Variants in TSHZ2 observed in about 807,000 individuals in gnomAD.
The protein encoded by TSHZ2 is teashirt zinc finger homeobox 2, also known as teashirt homolog 2.
In TSHZ2, 21 loss-of-function variants were observed where a neutral mutation model predicts 74.4. The observed-to-expected ratio is 0.28, with a 90% CI of 0.20 to 0.41. TSHZ2 has a LOEUF of 0.41. Among genes scored for constraint, TSHZ2 ranks in the 10% least tolerant of loss-of-function variants. TSHZ2 has a pLI of 1.00. For synonymous variants in TSHZ2, 540 were observed against 515.3 expected (o/e 1.05, Z -0.65); for missense variants, 1,244 against 1,293.5 (o/e 0.96, Z 0.59).
At chr20:53,185,489 C>G (rs950481146) in intron 1 of TSHZ2, 11 of 1,375,598 alleles carry the variant, frequency 8.0e-6, no homozygotes, top group Non-Finnish European at 9.5e-6. Context: ...ACCAGCCTGG[C>G]CAACATGGTG....
intron 1 of TSHZ2, among the ~76,000 whole-genome samples, chr20:53,166,794 AAATC>A (rs1988073833): frequency 6.6e-6 from 1 of 152,126 alleles, no homozygotes; most frequent in African/African-American, 2.4e-5. Flanking sequence ...ATAAAATAAA[AAATC>A]AAAACAAAAA....
chr20:53,412,512 C>T (rs1316563216), intron 2 of TSHZ2: 1 of 152,282 alleles, frequency 6.6e-6, no homozygotes, highest in Non-Finnish European at 1.5e-5. Context: ...CCATCACCAC[C>T]ATCCATCTCC....
At chr20:53,422,816 C>T (rs1027424528) in intron 2 of TSHZ2, among the ~76,000 whole-genome samples, 2 of 152,206 alleles carry the variant, frequency 1.3e-5, no homozygotes, top group African/African-American at 4.8e-5. Context: ...ATACACTGAT[C>T]TCCTTCAATA....
chr20:53,464,606 T>A (rs1032745573), intron 2 of TSHZ2, among the ~76,000 whole-genome samples: 4 of 152,106 alleles, frequency 2.6e-5, no homozygotes, highest in Non-Finnish European at 5.9e-5. Context: ...GAACTATAGG[T>A]GCACACCACC....
chr20:53,403,549 A>G (rs1256999621), intron 2 of TSHZ2, among the ~76,000 whole-genome samples: 2 of 152,180 alleles, frequency 1.3e-5, no homozygotes, highest in African/African-American at 4.8e-5. Flanking sequence ...TGCAGCATCC[A>G]CATCTGGTCT....
At chr20:53,137,609 G>A (rs1293357447) in intron 1 of TSHZ2, among the ~76,000 whole-genome samples, 1 of 152,110 alleles carries the variant, frequency 6.6e-6, no homozygotes, top group Middle Eastern at 3.2e-3. Flanking sequence ...GCCCTCAAAT[G>A]AGTCCCTAAC....
intron 1 of TSHZ2, among the ~76,000 whole-genome samples, chr20:53,124,742 A>T (rs1432096252): frequency 6.6e-6 from 1 of 152,228 alleles, no homozygotes; most frequent in Non-Finnish European, 1.5e-5. Context: ...ATGATGCTAC[A>T]TGCCCATTTT....
intron 1 of TSHZ2, among the ~76,000 whole-genome samples, chr20:53,161,146 A>AAAAAAAAAAAAAAAAAAAAAG: frequency 6.6e-6 from 1 of 151,094 alleles, no homozygotes; most frequent in Non-Finnish European, 1.5e-5. Context: ...AAAAAAAAAA[A>AAAAAAAAAAAAAAAAAAAAAG]AAAAAAATAG....
At chr20:53,014,378 A>C (rs975991303) in intron 1 of TSHZ2, among the ~76,000 whole-genome samples, 1 of 152,212 alleles carries the variant, frequency 6.6e-6, no homozygotes, top group Admixed American at 6.5e-5. Context: ...TGGTGGGGAC[A>C]TAATTCAGTC....
intron 1 of TSHZ2, among the ~76,000 whole-genome samples, chr20:53,153,656 A>T (rs533247049): frequency 6.6e-6 from 1 of 152,244 alleles, no homozygotes; most frequent in South Asian, 2.1e-4. Context: ...TTGCTCTTCA[A>T]ATTTCCTCAT....
intron 1 of TSHZ2, among the ~76,000 whole-genome samples, chr20:53,148,506 G>A (rs1987597025): frequency 1.3e-5 from 2 of 152,098 alleles, no homozygotes; most frequent in Non-Finnish European, 2.9e-5. Flanking sequence ...TATAGTACAG[G>A]CCTGACACCC....
At chr20:53,349,789 C>T (rs375443126) in intron 2 of TSHZ2, among the ~76,000 whole-genome samples, 2 of 152,222 alleles carry the variant, frequency 1.3e-5, no homozygotes, top group African/African-American at 4.8e-5. Flanking sequence ...TTCTTATATT[C>T]TTATTACTGT....
At chr20:53,291,451 C>T (rs899697865) in intron 2 of TSHZ2, among the ~76,000 whole-genome samples, 22 of 129,066 alleles carry the variant, frequency 1.7e-4, no homozygotes, top group African/African-American at 5.5e-4. Flanking sequence ...CTGGCCTGGA[C>T]GATAGAGCAA....
chr20:53,295,906 G>GT (rs1196402739), intron 2 of TSHZ2, among the ~76,000 whole-genome samples: 6 of 151,700 alleles, frequency 4.0e-5, no homozygotes, highest in African/African-American at 1.5e-4. Context: ...TGTGTTTTTT[G>GT]TTTTTTGCTT....
At chr20:53,440,058 ATAGG>A (rs1303279944) in intron 2 of TSHZ2, among the ~76,000 whole-genome samples, 4 of 152,294 alleles carry the variant, frequency 2.6e-5, no homozygotes, top group East Asian at 1.9e-4. Flanking sequence ...ACATGAAATA[ATAGG>A]TAGGAAATGT....
intron 2 of TSHZ2, among the ~76,000 whole-genome samples, chr20:53,466,010 G>T (rs957397792): frequency 6.6e-6 from 1 of 151,552 alleles, no homozygotes; most frequent in African/African-American, 2.4e-5. Context: ...ACTTTGGGGG[G>T]CCCAAGGCAG....
chr20:53,430,751 G>GTTAA (rs905205541), intron 2 of TSHZ2, among the ~76,000 whole-genome samples: 48 of 152,170 alleles, frequency 3.2e-4, no homozygotes, highest in African/African-American at 1.1e-3. Context: ...GTTTAGTTTA[G>GTTAA]TTTAGTTTTG....
At position 52,974,486 on chromosome 20, in the gene TSHZ2, C is replaced by T. The variant is rs189431759; in HGVS notation, c.40+1153C>T. On this transcript the variant is annotated intron_variant, in intron 1 of 2. Transcript: ENST00000371497. ...TGTCCTTTAGTTGAATCAGGGCTTTCGCAAAAAGCTTAAGTTTAGTTGTTT... is the reference window on the plus strand; with the variant it reads ...TGTCCTTTAGTTGAATCAGGGCTTTTGCAAAAAGCTTAAGTTTAGTTGTTT... Among the ~76,000 whole-genome samples the T allele has an allele frequency of 1.3e-3, 202 of 151,826 alleles. 1 individual carries two copies. Among genetic ancestry groups the T allele is most frequent in the African/African-American group, 4.2e-3 (174 of 41,362 alleles).
intron 1 of TSHZ2, among the ~76,000 whole-genome samples, chr20:53,055,789 A>G (rs1363044396): frequency 6.6e-6 from 1 of 152,160 alleles, no homozygotes; most frequent in Non-Finnish European, 1.5e-5. Flanking sequence ...TATGGCTCAC[A>G]GTTTGAATCC....
Sources: gnomAD v4.1 joint callset for allele counts (sites outside exome capture counted in the v4.1 genomes callset) on GRCh38, gnomAD v4.1.1 for gene constraint, MANE v1.5 for transcripts, NCBI Gene and HGNC (gene_info 2026-07-23, HGNC 2026-07-21) for gene names.